The following CDH13 variants were observed in gnomAD, a reference collection of about 807,000 sequenced individuals.
The protein encoded by CDH13 is cadherin-13.
Under a neutral mutation model 63.8 loss-of-function variants are expected in CDH13, and 24 were observed. The ratio of observed to expected loss-of-function variants is 0.38; its 90% CI spans 0.27 to 0.53. CDH13 has a LOEUF of 0.53. Ranked by LOEUF, CDH13 falls within the 20% of genes least tolerant of loss-of-function variation. CDH13 has a pLI of 0.85. For synonymous variants in CDH13, 503 were observed against 355.3 expected (o/e 1.42, Z -4.67); for missense variants, 1,049 against 903.1 (o/e 1.16, Z -2.07).
chr16:83,670,659 C>T (rs997382957), intron 8 of CDH13, 131 bp from the exon 9 acceptor site: 13 of 855,046 alleles, frequency 1.5e-5, no homozygotes, highest in Non-Finnish European at 2.4e-5. Context: ...TAGTATCTTC[C>T]AACCGTAATC....
chr16:82,793,809 A>G (rs940525204), intron 1 of CDH13, among the ~76,000 whole-genome samples: 1 of 152,150 alleles, frequency 6.6e-6, no homozygotes. Context: ...CTTAGAGATG[A>G]CTGCATCTCA....
intron 2 of CDH13, among the ~76,000 whole-genome samples, chr16:82,908,192 A>G (rs2041711122): frequency 2.0e-5 from 3 of 152,178 alleles, no homozygotes; most frequent in Admixed American, 2.0e-4. Context: ...AAACGTCTGG[A>G]ACCTTGACAT....
intron 7 of CDH13, among the ~76,000 whole-genome samples, chr16:83,526,484 C>A (rs1417718041): frequency 1.3e-5 from 2 of 152,128 alleles, no homozygotes; most frequent in African/African-American, 4.8e-5. Flanking sequence ...CCCTTGCATG[C>A]ACAGTTCACA....
At chr16:83,476,388 A>G (rs1164142660) in intron 6 of CDH13, among the ~76,000 whole-genome samples, 1 of 152,194 alleles carries the variant, frequency 6.6e-6, no homozygotes, top group African/African-American at 2.4e-5. Context: ...AATCTCTTAA[A>G]TTGGCTGGGC....
intron 11 of CDH13, among the ~76,000 whole-genome samples, chr16:83,757,561 G>A (rs1913616668): frequency 2.0e-5 from 3 of 152,168 alleles, no homozygotes; most frequent in South Asian, 4.1e-4. Flanking sequence ...CTGGGTGACA[G>A]AGCGAGACTC....
At chr16:82,817,400 C>G (rs184100516) in intron 1 of CDH13, among the ~76,000 whole-genome samples, 265 of 152,246 alleles carry the variant, frequency 1.7e-3, no homozygotes, top group Middle Eastern at 0.014. Context: ...GGAATGTGTA[C>G]TCTAGGCCCC....
chr16:83,312,768 G>C (rs1033544903), intron 5 of CDH13, among the ~76,000 whole-genome samples: 1 of 152,194 alleles, frequency 6.6e-6, no homozygotes, highest in African/African-American at 2.4e-5. Context: ...TCAATCACTT[G>C]TCTCTTGCCT....
intron 7 of CDH13, among the ~76,000 whole-genome samples, chr16:83,584,790 G>A (rs1905984669): frequency 6.6e-6 from 1 of 152,222 alleles, no homozygotes; most frequent in Non-Finnish European, 1.5e-5. Flanking sequence ...GGTTGTACAG[G>A]AAGCATGGTG....
chr16:83,323,955 T>G (rs1482219000), intron 5 of CDH13, among the ~76,000 whole-genome samples: 2 of 152,182 alleles, frequency 1.3e-5, no homozygotes, highest in Non-Finnish European at 2.9e-5. Context: ...CACCACACAA[T>G]TCACCCATTG....
At chr16:83,261,528 A>G (rs1906991893) in intron 5 of CDH13, among the ~76,000 whole-genome samples, 1 of 152,068 alleles carries the variant, frequency 6.6e-6, no homozygotes, top group Non-Finnish European at 1.5e-5. Context: ...GAAAGTATCT[A>G]TTAGTATCTA....
intron 6 of CDH13, among the ~76,000 whole-genome samples, chr16:83,460,982 A>AACACACACACACACACACAC (rs367812199): frequency 9.7e-5 from 13 of 134,254 alleles, no homozygotes; most frequent in African/African-American, 3.7e-4. Context: ...CTTGTCTCAA[A>AACACACACACACACACACAC]ACACACACAC....
At chr16:83,260,600 C>T (rs1559436) in intron 5 of CDH13, among the ~76,000 whole-genome samples, 17,013 of 152,072 alleles carry the variant, frequency 0.11, 1,367 homozygotes, top group East Asian at 0.31. Context: ...GATTCTGCTC[C>T]CAGGTGATGC....
At chr16:82,761,281 G>C (rs2034845692) in intron 1 of CDH13, among the ~76,000 whole-genome samples, 1 of 151,948 alleles carries the variant, frequency 6.6e-6, no homozygotes, top group South Asian at 2.1e-4. Context: ...GCCTCCCAAA[G>C]TGCTGGGATT....
intron 3 of CDH13, among the ~76,000 whole-genome samples, chr16:83,068,840 C>T (rs1425173602): frequency 6.6e-6 from 1 of 152,220 alleles, no homozygotes; most frequent in Admixed American, 6.5e-5. Context: ...CGTTCCCTGC[C>T]CCCTTGTTGT....
intron 2 of CDH13, among the ~76,000 whole-genome samples, chr16:82,995,101 T>C (rs1214234018): frequency 6.6e-6 from 1 of 152,182 alleles, no homozygotes; most frequent in African/African-American, 2.4e-5. Context: ...TTCCCGTCAT[T>C]TTAATCATCA....
At chr16:83,555,399 G>A (rs1370999518) in intron 7 of CDH13, among the ~76,000 whole-genome samples, 1 of 152,184 alleles carries the variant, frequency 6.6e-6, no homozygotes, top group Non-Finnish European at 1.5e-5. Context: ...CAGTTTAACT[G>A]ATTCCCCAGG....
chr16:82,656,681 T>G (rs919796935), intron 1 of CDH13, among the ~76,000 whole-genome samples: 4 of 152,228 alleles, frequency 2.6e-5, no homozygotes, highest in African/African-American at 9.6e-5. Context: ...TCCACCATTA[T>G]GATATCACAC....
At chr16:83,236,444 G>C (rs2040146652) in intron 5 of CDH13, among the ~76,000 whole-genome samples, 1 of 152,106 alleles carries the variant, frequency 6.6e-6, no homozygotes, top group Non-Finnish European at 1.5e-5. Context: ...CATCCTATAA[G>C]AAAATCTTAA....
chr16:83,549,675 A>T (rs1469244140), intron 7 of CDH13, among the ~76,000 whole-genome samples: 4 of 152,278 alleles, frequency 2.6e-5, no homozygotes, highest in Non-Finnish European at 5.9e-5. Flanking sequence ...AAACAAAAAA[A>T]ATCTGCTCAG....
Sources: gnomAD v4.1 joint callset for allele counts (sites outside exome capture counted in the v4.1 genomes callset) on GRCh38, gnomAD v4.1.1 for gene constraint, MANE v1.5 for transcripts, NCBI Gene and HGNC (gene_info 2026-07-23, HGNC 2026-07-21) for gene names.